Variants in GRIP2 observed in about 807,000 individuals in gnomAD.
GRIP2 encodes the protein glutamate receptor-interacting protein 2.
A neutral mutation model predicts 108.3 loss-of-function variants in GRIP2; 58 were observed. The observed-to-expected ratio is 0.54, with a 90% CI of 0.43 to 0.67. The LOEUF is 0.67. Ranked by LOEUF, GRIP2 falls within the 30% of genes least tolerant of loss-of-function variation. The probability of loss-of-function intolerance (pLI) is 0.00; values close to 1 mark genes in which losing one functional copy is unlikely to be tolerated. For synonymous variants in GRIP2, 586 were observed against 598.2 expected, an observed-to-expected ratio of 0.98 and a Z score of 0.30; for missense variants, 1,278 against 1,430.6, an observed-to-expected ratio of 0.89 and a Z score of 1.72.
rs138755146 is a variant in GRIP2 at position 14,509,475 on chromosome 3, C to T, written c.2078+345G>A. ...CAGTGCTGGGACCAGGGTACTGGGG[C>T]ACTGCCCCATCCTATTCCGCACACA... is the stretch of plus-strand genomic sequence containing the variant. On this transcript the variant is annotated intron_variant, in intron 17 of 23. Coordinates refer to ENST00000621039, the MANE Select transcript of GRIP2 (RefSeq NM_001080423.4). Among the ~76,000 whole-genome samples, 297 of 152,342 alleles carry T rather than the reference C, an allele frequency of 1.9e-3. 1 individual carries two copies. The highest frequency in any genetic ancestry group is 4.9e-3 in the Admixed American group (75 of 15,308).
At chr3:14,603,009 C>G in the GRIP2 span, among the ~76,000 whole-genome samples, 11 of 146,708 alleles carry the variant, frequency 7.5e-5, no homozygotes, top group Admixed American at 1.4e-4. Context: ...CGGCCCGGCC[C>G]GGCCTCGCCA....
the GRIP2 span, chr3:14,572,919 T>A: frequency 7.5e-7 from 1 of 1,333,424 alleles, no homozygotes; most frequent in East Asian, 2.3e-5. Flanking sequence ...GGTGAGGAAC[T>A]CACACCACTC....
chr3:14,515,253 C>A (rs934687922), intron 11 of GRIP2, among the ~76,000 whole-genome samples: 2 of 152,182 alleles, frequency 1.3e-5, no homozygotes, highest in African/African-American at 4.8e-5. Flanking sequence ...GTGGATACTG[C>A]GTTCCTTCCA....
chr3:14,573,608 G>T, the GRIP2 span: 16 of 1,480,612 alleles, frequency 1.1e-5, no homozygotes, highest in Non-Finnish European at 1.4e-5. Flanking sequence ...ACTCGCCGTT[G>T]GTGCCAATGC....
chr3:14,552,696 G>A (rs776932014), intron 1 of GRIP2, among the ~76,000 whole-genome samples: 11 of 149,100 alleles, frequency 7.4e-5, no homozygotes, highest in African/African-American at 2.2e-4. Flanking sequence ...AGGTTCAAGC[G>A]ATTCTCTTGC....
chr3:14,575,292 C>T, the GRIP2 span, among the ~76,000 whole-genome samples: 1 of 152,228 alleles, frequency 6.6e-6, no homozygotes, highest in African/African-American at 2.4e-5. Context: ...GGGCTCAGGC[C>T]TGGGATGAGC....
intron 17 of GRIP2, among the ~76,000 whole-genome samples, chr3:14,508,556 G>T (rs964065992): frequency 6.6e-6 from 1 of 152,136 alleles, no homozygotes; most frequent in Non-Finnish European, 1.5e-5. Flanking sequence ...TCATGCTTGG[G>T]CATTGCCCTG....
In GRIP2 at chr3:14,552,889, A is replaced by G. The variant is rs536500994; in HGVS notation, c.55+3011T>C. ...ATTATAGGCGTGAGCTAGCTACCAT[A>G]CCTGGTCCAGATCCTATTCTAATAC... On this transcript the variant is annotated intron_variant, in intron 1 of 23. Transcript: ENST00000637182. 8.6e-5 allele frequency among the ~76,000 whole-genome samples: 13 copies of G among 151,734 alleles called. No homozygotes were observed. In the South Asian group the frequency reaches 2.3e-3, roughly 27 times the overall value.
the GRIP2 span, among the ~76,000 whole-genome samples, chr3:14,576,378 T>C: frequency 3.3e-5 from 5 of 152,310 alleles, no homozygotes; most frequent in East Asian, 9.6e-4. Context: ...CAGCACAAGG[T>C]CACACAGCTC....
the GRIP2 span, among the ~76,000 whole-genome samples, chr3:14,575,282 G>A: frequency 6.6e-6 from 1 of 152,204 alleles, no homozygotes; most frequent in African/African-American, 2.4e-5. Flanking sequence ...CCTTATGTTT[G>A]GGCTCAGGCC....
At chr3:14,573,609 G>T in the GRIP2 span, 1 of 1,484,796 alleles carries the variant, frequency 6.7e-7, no homozygotes, top group Non-Finnish European at 9.4e-7. Flanking sequence ...CTCGCCGTTG[G>T]TGCCAATGCA....
the GRIP2 span, among the ~76,000 whole-genome samples, chr3:14,586,270 A>G: frequency 6.6e-5 from 10 of 151,790 alleles, no homozygotes; most frequent in African/African-American, 2.2e-4. Flanking sequence ...CCCCCAGTGA[A>G]CTCTTACTTA....
intron 7 of GRIP2, 110 bp from the exon 8 acceptor site, chr3:14,520,647 C>T (rs909873112): frequency 1.9e-6 from 2 of 1,043,064 alleles, no homozygotes; most frequent in Non-Finnish European, 2.8e-6. Flanking sequence ...AACTGTTATA[C>T]CCATTTGATT....
chr3:14,541,713 G>A (rs1436814908), upstream of GRIP2, among the ~76,000 whole-genome samples: 1 of 152,228 alleles, frequency 6.6e-6, no homozygotes, highest in Admixed American at 6.5e-5. Flanking sequence ...CTGTTTCTGG[G>A]GGAAGGGTCC....
chr3:14,513,579 G>A, intron 13 of GRIP2, 86 bp downstream of exon 13: 1 of 1,466,620 alleles, frequency 6.8e-7, no homozygotes. Context: ...GGATGGGGTG[G>A]AGCGTTTGCA....
chr3:14,601,026 CAT>C, the GRIP2 span, among the ~76,000 whole-genome samples: 2 of 151,984 alleles, frequency 1.3e-5, no homozygotes, highest in Non-Finnish European at 2.9e-5. Context: ...ATGCCACCCA[CAT>C]AGACACACCA....
chr3:14,582,002 A>C, the GRIP2 span, among the ~76,000 whole-genome samples: 9 of 152,190 alleles, frequency 5.9e-5, no homozygotes. Flanking sequence ...TGGGAAAAGG[A>C]ATCCAGCAGC....
chr3:14,552,190 C>A (rs1260998057), intron 1 of GRIP2, among the ~76,000 whole-genome samples: 1 of 152,212 alleles, frequency 6.6e-6, no homozygotes, highest in African/African-American at 2.4e-5. Flanking sequence ...CATTTCCACT[C>A]TGGGAGTCAG....
At chr3:14,513,602 G>T (rs1279721677) in intron 13 of GRIP2, 63 bp downstream of exon 13, 4 of 1,541,192 alleles carry the variant, frequency 2.6e-6, no homozygotes, top group Non-Finnish European at 3.5e-6. Flanking sequence ...GGCGAGGCAG[G>T]ATAAAGAGAG....
Sources: allele counts gnomAD v4.1 joint callset (sites outside exome capture counted in the v4.1 genomes callset), GRCh38; gene constraint gnomAD v4.1.1; transcripts MANE v1.5; gene names NCBI Gene and HGNC (gene_info 2026-07-23, HGNC 2026-07-21).